The following SGCZ variants were observed in gnomAD, a reference collection of about 807,000 sequenced individuals.
SGCZ encodes the protein zeta-sarcoglycan.
In SGCZ, 40 loss-of-function variants were observed where a neutral mutation model predicts 41.3. The ratio of observed to expected loss-of-function variants is 0.97; its 90% confidence interval spans 0.75 to 1.26. The LOEUF (loss-of-function observed/expected upper bound fraction) is 1.26. SGCZ is among the 50% of genes most tolerant of loss of function. The pLI is 0.00. For synonymous variants in SGCZ, 206 were observed against 137.5 expected (o/e 1.50, Z -3.49); for missense variants, 552 against 369.8 (o/e 1.49, Z -4.04).
chr8:14,565,084 A>C (rs1804318945), intron 1 of SGCZ, among the ~76,000 whole-genome samples: 1 of 152,166 alleles, frequency 6.6e-6, no homozygotes, highest in African/African-American at 2.4e-5. Context: ...GCCTCTTGAG[A>C]CAGGAAATAG....
chr8:15,043,362 T>C (rs568304613), intron 1 of SGCZ, among the ~76,000 whole-genome samples: 2 of 152,304 alleles, frequency 1.3e-5, no homozygotes, highest in Non-Finnish European at 2.9e-5. Flanking sequence ...ATCTCATTCT[T>C]AGTTGAATTT....
intron 3 of SGCZ, among the ~76,000 whole-genome samples, chr8:14,239,775 G>T (rs1035389775): frequency 3.4e-5 from 5 of 149,024 alleles, no homozygotes; most frequent in Non-Finnish European, 7.5e-5. Flanking sequence ...AGTGGCGGGC[G>T]CCTGTAGTCC....
At chr8:15,084,360 T>C (rs947685986) in intron 1 of SGCZ, among the ~76,000 whole-genome samples, 4 of 152,348 alleles carry the variant, frequency 2.6e-5, no homozygotes, top group Admixed American at 2.6e-4. Context: ...ATTGACTACA[T>C]GTCACTGCTT....
At chr8:14,653,276 G>C (rs1329142643) in intron 1 of SGCZ, among the ~76,000 whole-genome samples, 2 of 151,988 alleles carry the variant, frequency 1.3e-5, no homozygotes, top group African/African-American at 4.8e-5. Context: ...AAGCCAATCT[G>C]TTTCATCAGC....
chr8:14,845,047 G>C (rs893643479), intron 1 of SGCZ, among the ~76,000 whole-genome samples: 6 of 152,158 alleles, frequency 3.9e-5, no homozygotes, highest in African/African-American at 1.2e-4. Context: ...GCTGCATAGA[G>C]GGTGAATTCT....
At position 14,951,847 on chromosome 8, in the gene SGCZ, T is replaced by G. The variant is rs573262131; in HGVS notation, c.39+285738A>C. Reference sequence around the variant, plus strand: ...ATGTATAGCAGAAGAAAATTAACCTTTTTTATATTAACATTTTCAAATCTG... The same window carrying G: ...ATGTATAGCAGAAGAAAATTAACCTGTTTTATATTAACATTTTCAAATCTG... On this transcript the variant is annotated intron_variant, in intron 1 of 7. Transcript: ENST00000382080. Among the ~76,000 whole-genome samples, 174 of 152,200 alleles carry G rather than the reference T, an allele frequency of 1.1e-3. 1 individual carries two copies. The highest frequency in any genetic ancestry group is 4.0e-3 in the African/African-American group (166 of 41,574).
At chr8:15,039,749 T>A (rs1375609816) in intron 1 of SGCZ, among the ~76,000 whole-genome samples, 1 of 152,242 alleles carries the variant, frequency 6.6e-6, no homozygotes, top group Non-Finnish European at 1.5e-5. Flanking sequence ...TAATGTTTTA[T>A]TATTGTTTGT....
In SGCZ at chr8:14,788,208, G is replaced by C. The variant is rs539221130; in HGVS notation, c.40-233282C>G. Reference sequence around the variant, plus strand: ...AGGACTAAGTCTTCTATCTGTCAAGGTCTCTAGAATAAAGCACATAATGCA... The same window carrying C: ...AGGACTAAGTCTTCTATCTGTCAAGCTCTCTAGAATAAAGCACATAATGCA... On this transcript the variant is annotated intron_variant, in intron 1 of 7. Transcript: ENST00000382080. Among the ~76,000 whole-genome samples, 11 of 152,152 alleles carry C rather than the reference G, an allele frequency of 7.2e-5. No individual in the cohort carries two copies. In the East Asian group the frequency reaches 1.9e-3, roughly 27 times the overall value.
Position 14,085,315 on chromosome 8 carries a change from GAATA to G in SGCZ, c.*5124_*5127del, listed in dbSNP as rs1000455488. On this transcript the variant is annotated 3_prime_UTR_variant, in exon 8 of 8. Transcript: ENST00000382080. Reference sequence around the variant, plus strand: ...CATGAAAGTACAAAACAAAATAAATGAATAGTGGACCTGATTTAAAGAATTGTAT... The same window carrying G: ...CATGAAAGTACAAAACAAAATAAATGGTGGACCTGATTTAAAGAATTGTAT... Among the ~76,000 whole-genome samples the G allele has an allele frequency of 2.0e-5, 3 of 151,482 alleles. No homozygotes were observed. The highest frequency in any genetic ancestry group is 7.3e-5 in the African/African-American group (3 of 41,326).
intron 1 of SGCZ, among the ~76,000 whole-genome samples, chr8:14,998,457 G>A (rs762054167): frequency 3.3e-5 from 5 of 152,218 alleles, no homozygotes; most frequent in Admixed American, 2.0e-4. Flanking sequence ...AATGATGACA[G>A]ATAGATAGCC....
chr8:14,294,228 G>T, intron 3 of SGCZ, among the ~76,000 whole-genome samples: 1 of 151,814 alleles, frequency 6.6e-6, no homozygotes, highest in Non-Finnish European at 1.5e-5. Flanking sequence ...ATATCAGTAG[G>T]AATATATTTA....
intron 7 of SGCZ, among the ~76,000 whole-genome samples, chr8:14,099,419 G>T (rs1191381684): frequency 1.3e-5 from 2 of 152,106 alleles, no homozygotes; most frequent in East Asian, 3.9e-4. Flanking sequence ...TCCGGCCCGG[G>T]ACTCACAAAA....
intron 1 of SGCZ, among the ~76,000 whole-genome samples, chr8:15,029,764 G>A (rs1803591382): frequency 6.6e-6 from 1 of 152,046 alleles, no homozygotes; most frequent in Non-Finnish European, 1.5e-5. Flanking sequence ...GTTTTGGGTA[G>A]CACAGTTTCA....
intron 2 of SGCZ, among the ~76,000 whole-genome samples, chr8:14,405,843 G>A (rs1339206025): frequency 6.6e-6 from 1 of 151,474 alleles, no homozygotes; most frequent in African/African-American, 2.4e-5. Context: ...ATTATCATTA[G>A]AATAATATCT....
chr8:14,692,188 T>C (rs543535298), intron 1 of SGCZ, among the ~76,000 whole-genome samples: 42 of 152,174 alleles, frequency 2.8e-4, no homozygotes, highest in African/African-American at 7.5e-4. Context: ...AATTGATATA[T>C]AAAAATGATT....
chr8:14,110,973 G>C (rs986671096), intron 5 of SGCZ, among the ~76,000 whole-genome samples: 2 of 152,008 alleles, frequency 1.3e-5, no homozygotes, highest in African/African-American at 4.8e-5. Context: ...AGAATAGTTT[G>C]AACCTGGGAG....
intron 1 of SGCZ, among the ~76,000 whole-genome samples, chr8:14,587,921 C>T (rs1468918356): frequency 2.0e-5 from 3 of 152,054 alleles, no homozygotes; most frequent in African/African-American, 7.2e-5. Context: ...AAAATTGCAT[C>T]CACTGTTTCC....
intron 1 of SGCZ, among the ~76,000 whole-genome samples, chr8:14,798,361 T>G (rs1301371990): frequency 6.6e-6 from 1 of 152,226 alleles, no homozygotes; most frequent in African/African-American, 2.4e-5. Flanking sequence ...TCTTGAGTTC[T>G]AAAACTATTT....
At chr8:14,663,757 AC>A (rs768582385) in intron 1 of SGCZ, among the ~76,000 whole-genome samples, 112 of 152,158 alleles carry the variant, frequency 7.4e-4, no homozygotes, top group Non-Finnish European at 1.2e-3. Flanking sequence ...CCCACTTAGA[AC>A]CTGGAAAAAT....
Sources: allele counts gnomAD v4.1 joint callset (sites outside exome capture counted in the v4.1 genomes callset), GRCh38; gene constraint gnomAD v4.1.1; transcripts MANE v1.5; gene names NCBI Gene and HGNC (gene_info 2026-07-23, HGNC 2026-07-21).